The following FILIP1L variants were observed in gnomAD, a reference collection of about 807,000 sequenced individuals.
FILIP1L encodes filamin A-interacting protein 1-like.
Under a neutral mutation model 96.6 loss-of-function variants are expected in FILIP1L, and 55 were observed. The ratio of observed to expected loss-of-function variants is 0.57; its 90% CI spans 0.46 to 0.71. The LOEUF is 0.71. Among genes scored for constraint, FILIP1L ranks in the 30% least tolerant of loss-of-function variants. FILIP1L has a pLI of 0.00. For synonymous variants in FILIP1L, 467 were observed against 473.9 expected (o/e 0.99, Z 0.19); for missense variants, 1,304 against 1,321.2 (o/e 0.99, Z 0.20).
At chr3:99,848,072 T>C (rs1943448076) in intron 5 of FILIP1L, 4 of 1,318,598 alleles carry the variant, frequency 3.0e-6, no homozygotes, top group Non-Finnish European at 3.9e-6. Flanking sequence ...CATACAAGTA[T>C]GTAAATGAAA....
At chr3:100,063,743 A>G (rs2065613889) in intron 1 of FILIP1L, among the ~76,000 whole-genome samples, 1 of 152,160 alleles carries the variant, frequency 6.6e-6, no homozygotes, top group African/African-American at 2.4e-5. Flanking sequence ...AAAAAAGTCA[A>G]CCTGAATAAA....
chr3:100,068,013 A>T (rs1266234895), intron 1 of FILIP1L, among the ~76,000 whole-genome samples: 1 of 152,214 alleles, frequency 6.6e-6, no homozygotes, highest in Non-Finnish European at 1.5e-5. Flanking sequence ...GTGCCTCCAC[A>T]GCATAAGCTT....
chr3:99,932,652 G>A (rs1416753308), intron 1 of FILIP1L, among the ~76,000 whole-genome samples: 1 of 152,164 alleles, frequency 6.6e-6, no homozygotes, highest in Non-Finnish European at 1.5e-5. Flanking sequence ...CACTTTGGGA[G>A]GCCGAGGCAG....
At chr3:100,010,253 A>C in intron 1 of FILIP1L, 2 of 379,498 alleles carry the variant, frequency 5.3e-6, no homozygotes, top group Non-Finnish European at 7.2e-6. Flanking sequence ...TTTTCCCCCC[A>C]CAACATTGTC....
intron 4 of FILIP1L, among the ~76,000 whole-genome samples, chr3:99,875,455 A>C (rs1261565166): frequency 2.6e-5 from 4 of 152,236 alleles, no homozygotes; most frequent in Non-Finnish European, 4.4e-5. Flanking sequence ...CTTGAAGCAG[A>C]AAGTTAGAAC....
chr3:99,872,267 G>A (rs1288827601), intron 4 of FILIP1L, among the ~76,000 whole-genome samples: 1 of 130,602 alleles, frequency 7.7e-6, no homozygotes, highest in Non-Finnish European at 1.6e-5. Context: ...TCTGTGCCAG[G>A]ACTGTGTGTG....
intron 4 of FILIP1L, among the ~76,000 whole-genome samples, chr3:99,886,377 AC>A (rs1705897405): frequency 6.6e-6 from 1 of 152,098 alleles, no homozygotes; most frequent in Non-Finnish European, 1.5e-5. Flanking sequence ...CTTGTACCAT[AC>A]ATAAAATACA....
intron 1 of FILIP1L, among the ~76,000 whole-genome samples, chr3:99,938,577 C>G (rs189790854): frequency 2.0e-5 from 3 of 152,272 alleles, no homozygotes; most frequent in Admixed American, 1.3e-4. Flanking sequence ...TTGCATTTCC[C>G]CCTATCTTTA....
chr3:99,977,657 A>C (rs1265089966), intron 1 of FILIP1L, among the ~76,000 whole-genome samples: 1 of 152,228 alleles, frequency 6.6e-6, no homozygotes, highest in African/African-American at 2.4e-5. Flanking sequence ...TAGTACAAAC[A>C]GTATAATATC....
At chr3:99,915,306 T>C (rs1706918115) in intron 4 of FILIP1L, among the ~76,000 whole-genome samples, 1 of 152,228 alleles carries the variant, frequency 6.6e-6, no homozygotes, top group East Asian at 1.9e-4. Flanking sequence ...AAAAAATATT[T>C]ATTTTACCTC....
At chr3:100,014,790 G>T (rs1710270803) in intron 1 of FILIP1L, among the ~76,000 whole-genome samples, 1 of 142,336 alleles carries the variant, frequency 7.0e-6, no homozygotes, top group Non-Finnish European at 1.5e-5. Context: ...TCCATAGGTT[G>T]CATCTTCATT....
intron 1 of FILIP1L, among the ~76,000 whole-genome samples, chr3:99,983,267 C>T (rs1709180314): frequency 6.6e-6 from 1 of 150,952 alleles, no homozygotes; most frequent in Admixed American, 6.6e-5. Context: ...GGCACAGTGA[C>T]TCATGCCTGT....
chr3:100,091,974 A>C (rs1054443866), intron 1 of FILIP1L, among the ~76,000 whole-genome samples: 1 of 152,218 alleles, frequency 6.6e-6, no homozygotes, highest in Non-Finnish European at 1.5e-5. Flanking sequence ...TTTACCAGCT[A>C]TCTGTCCTAG....
intron 1 of FILIP1L, among the ~76,000 whole-genome samples, chr3:100,063,593 A>C (rs2065611382): frequency 6.6e-6 from 1 of 152,172 alleles, no homozygotes; most frequent in African/African-American, 2.4e-5. Flanking sequence ...ATACTTTCTC[A>C]TCCAGACTTT....
At chr3:99,858,265 AC>A (rs1944071972) in intron 4 of FILIP1L, among the ~76,000 whole-genome samples, 1 of 152,124 alleles carries the variant, frequency 6.6e-6, no homozygotes, top group African/African-American at 2.4e-5. Context: ...GGAGATCGAG[AC>A]CATCCTGGCT....
intron 4 of FILIP1L, among the ~76,000 whole-genome samples, chr3:99,880,745 AG>A (rs1352323590): frequency 1.3e-5 from 2 of 152,200 alleles, no homozygotes; most frequent in African/African-American, 4.8e-5. Context: ...AATGCATAAA[AG>A]TAAAAAATTT....
At chr3:99,855,268 G>T (rs970989547) in intron 4 of FILIP1L, among the ~76,000 whole-genome samples, 22 of 152,094 alleles carry the variant, frequency 1.4e-4, no homozygotes, top group African/African-American at 5.3e-4. Flanking sequence ...GGAACAAAAT[G>T]ACTCAAAATG....
chr3:99,901,860 T>G (rs1406352464), intron 4 of FILIP1L, among the ~76,000 whole-genome samples: 1 of 152,176 alleles, frequency 6.6e-6, no homozygotes, highest in East Asian at 1.9e-4. Flanking sequence ...TACATTTGAT[T>G]TTTTTGTGAG....
intron 4 of FILIP1L, among the ~76,000 whole-genome samples, chr3:99,874,894 A>G (rs1256828307): frequency 6.6e-6 from 1 of 152,184 alleles, no homozygotes; most frequent in African/African-American, 2.4e-5. Context: ...CTGTACCTCC[A>G]AACAGTTATC....
Sources: gnomAD v4.1 joint callset for allele counts (sites outside exome capture counted in the v4.1 genomes callset) on GRCh38, gnomAD v4.1.1 for gene constraint, MANE v1.5 for transcripts, NCBI Gene and HGNC (gene_info 2026-07-23, HGNC 2026-07-21) for gene names.